The following HOMEZ variants were observed in gnomAD, a reference collection of about 807,000 sequenced individuals.
HOMEZ encodes the protein homeobox and leucine zipper encoding.
In HOMEZ, 20 loss-of-function variants were observed where a neutral mutation model predicts 50.1. The observed-to-expected ratio is 0.40, with a 90% CI of 0.28 to 0.58. The LOEUF (loss-of-function observed/expected upper bound fraction) is 0.58, where lower values mean the gene tolerates loss of function less well. Ranked by LOEUF, HOMEZ falls within the 20% of genes least tolerant of loss-of-function variation. HOMEZ has a pLI of 0.46. For synonymous variants in HOMEZ, 239 were observed against 254.7 expected, an observed-to-expected ratio of 0.94 and a Z score of 0.59; for missense variants, 579 against 680.5, an observed-to-expected ratio of 0.85 and a Z score of 1.66.
rs35341745 is a variant in HOMEZ at position 23,280,740 on chromosome 14, A to ATTTTATTTTATTTTATTTTAT, written c.41-3554_41-3553insATAAAATAAAATAAAATAAAA. On this transcript the variant is annotated intron_variant, in intron 1 of 1. Coordinates refer to ENST00000357460, the MANE Select transcript of HOMEZ (RefSeq NM_020834.3). ...ATTTTATTTTATTTTATTTTATTTT[A>ATTTTATTTTATTTTATTTTAT]TTATTTTATTTTATTTTATTTTATT... Among the ~76,000 whole-genome samples the ATTTTATTTTATTTTATTTTAT allele has an allele frequency of 1.8e-3, 73 of 41,260 alleles. 2 individuals carry two copies. Among genetic ancestry groups the ATTTTATTTTATTTTATTTTAT allele is most frequent in the African/African-American group, 5.4e-3 (69 of 12,752 alleles). 27.1% of individuals were successfully genotyped at this position (41,260 alleles called of 152,430 possible).
intron 1 of HOMEZ, among the ~76,000 whole-genome samples, chr14:23,280,725 A>ATATTTTATT (rs1886507997): frequency 4.4e-5 from 3 of 68,750 alleles, no homozygotes; most frequent in South Asian, 5.6e-4. Context: ...ATTTTATTTT[A>ATATTTTATT]TTTTATTTTA....
intron 1 of HOMEZ, among the ~76,000 whole-genome samples, chr14:23,280,757 T>TAATTTA (rs1171560613): frequency 8.4e-6 from 1 of 118,974 alleles, no homozygotes; most frequent in African/African-American, 3.0e-5. Flanking sequence ...TATTTTATTT[T>TAATTTA]ATTTTATTTT....
At chr14:23,284,212 C>T (rs1886614145) in intron 1 of HOMEZ, among the ~76,000 whole-genome samples, 1 of 152,196 alleles carries the variant, frequency 6.6e-6, no homozygotes, top group Non-Finnish European at 1.5e-5. Context: ...TGCCTCATAT[C>T]CTTCCAACTT....
rs1395338775 is a variant in HOMEZ, at chr14:23,275,355, G to A, written c.*220C>T. 8 of 583,828 alleles carry A rather than the reference G, an allele frequency of 1.4e-5. No homozygotes were observed. The highest frequency in any genetic ancestry group is 2.1e-5 in the Non-Finnish European group (7 of 337,530). The allele number at this position is 583,828 out of a possible 1,614,324, so 36.2% of individuals were successfully genotyped here. On this transcript the variant is annotated 3_prime_UTR_variant, in exon 2 of 2. Coordinates refer to ENST00000357460, the MANE Select transcript of HOMEZ (RefSeq NM_020834.3). The stretch of plus-strand genomic sequence containing the variant: ...TAGCACTCCCTACCCTAAGGTTAGA[G>A]GGTTGGATTTCTGCTGATCCAATCC...
Position 23,280,740 on chromosome 14 carries a change from A to ATTTTATTTTATT in HOMEZ, c.41-3554_41-3553insAATAAAATAAAA, listed in dbSNP as rs35341745. 1.7e-3 allele frequency among the ~76,000 whole-genome samples: 71 copies of ATTTTATTTTATT among 41,226 alleles called. 5 individuals are homozygous for ATTTTATTTTATT. Among genetic ancestry groups the ATTTTATTTTATT allele is most frequent in the East Asian group, 4.1e-3 (6 of 1,470 alleles). 27.0% of individuals were successfully genotyped at this position (41,226 alleles called of 152,430 possible). On this transcript the variant is annotated intron_variant, in intron 1 of 1. Transcript: ENST00000357460. ...ATTTTATTTTATTTTATTTTATTTT[A>ATTTTATTTTATT]TTATTTTATTTTATTTTATTTTATT... is the stretch of plus-strand genomic sequence containing the variant.
At chr14:23,280,765 T>C (rs1252434819) in intron 1 of HOMEZ, among the ~76,000 whole-genome samples, 1 of 112,796 alleles carries the variant, frequency 8.9e-6, no homozygotes, top group Non-Finnish European at 1.9e-5. Flanking sequence ...TTTATTTTAT[T>C]TTATTTTATT....
Position 23,273,225 on chromosome 14 carries a change from A to G in HOMEZ, c.*2350T>C, listed in dbSNP as rs540814469. The G allele has an allele frequency of 1.8e-4, 34 of 188,094 alleles. No individual in the cohort carries two copies. Among genetic ancestry groups the G allele is most frequent in the Admixed American group, 4.0e-4 (7 of 17,604 alleles). The allele number at this position is 188,094 out of a possible 1,614,324, so 11.7% of individuals were successfully genotyped here. On this transcript the variant is annotated 3_prime_UTR_variant, in exon 2 of 2. Transcript: ENST00000357460. ...GAGTTGGGAATGGGGATTGTGATGG[A>G]TCATATACTCATCACTGTTTCATTT... is the stretch of plus-strand genomic sequence containing the variant.
intron 1 of HOMEZ, among the ~76,000 whole-genome samples, chr14:23,279,374 C>T (rs560399144): frequency 3.3e-5 from 5 of 152,224 alleles, no homozygotes; most frequent in South Asian, 4.2e-4. Flanking sequence ...TGGCCCCTGC[C>T]GCTGTCATTC....
intron 1 of HOMEZ, among the ~76,000 whole-genome samples, chr14:23,284,795 C>T (rs977937854): frequency 1.3e-5 from 2 of 152,132 alleles, no homozygotes; most frequent in Non-Finnish European, 2.9e-5. Flanking sequence ...GTACTCTGCA[C>T]TCAGAAGTGT....
At chr14:23,283,615 C>T (rs1035856351) in intron 1 of HOMEZ, among the ~76,000 whole-genome samples, 2 of 152,160 alleles carry the variant, frequency 1.3e-5, no homozygotes, top group African/African-American at 4.8e-5. Context: ...GGAGGCGAGG[C>T]TGGGTCTAAT....
chr14:23,283,690 T>C (rs908627741), intron 1 of HOMEZ, among the ~76,000 whole-genome samples: 3 of 151,622 alleles, frequency 2.0e-5, no homozygotes, highest in South Asian at 2.1e-4. Context: ...AGGTCAGGAG[T>C]TCGAGACCAG....
At position 23,275,771 on chromosome 14, in the gene HOMEZ, T is replaced by C. The variant is rs779470914; in HGVS notation, c.1457A>G (p.Gln486Arg). ...CTGCTGGGTGCTAAGCCTTGATGCC[T>C]GACTCAATTGAGGGATATCAGTTTC... The part of the protein sequence containing the change: ...LRETDIPQLS[Q>R]ASRLSTQQVL... The change falls in exon 2 of 2, where the codon CAG (glutamine) becomes CGG (arginine). Residue 486 changes from glutamine to arginine, a missense_variant. By Grantham distance (43) the Gln-to-Arg change is conservative. Coordinates refer to ENST00000357460, the MANE Select transcript of HOMEZ (RefSeq NM_020834.3). 4.3e-6 allele frequency: 7 copies of C among 1,613,596 alleles called. No homozygotes were observed. The South Asian group carries it at 6.6e-5, about 15-fold the overall frequency.
At chr14:23,280,763 ATT>A (rs1295606666) in intron 1 of HOMEZ, among the ~76,000 whole-genome samples, 1 of 86,020 alleles carries the variant, frequency 1.2e-5, no homozygotes, top group Non-Finnish European at 2.6e-5. Flanking sequence ...ATTTTATTTT[ATT>A]TTATTTTATT....
rs767037610 is a variant in HOMEZ at position 23,276,606 on chromosome 14, G to C, written c.622C>G (p.Pro208Ala). 3.7e-6 allele frequency: 6 copies of C among 1,614,038 alleles called. No homozygotes were observed. The highest frequency in any genetic ancestry group is 5.1e-6 in the Non-Finnish European group (6 of 1,179,892). The change falls in exon 2 of 2, where the codon CCT becomes GCT. Residue 208 changes from proline to alanine, a missense_variant. Pro to Ala is a conservative substitution (Grantham distance 27). Coordinates refer to ENST00000357460, the MANE Select transcript of HOMEZ (RefSeq NM_020834.3). This position sits in a 1 kb window ranked among gnomAD's most constrained non-coding sequence, Gnocchi z 4.1. ...HQKLKESLMT[P>A]GSGAFPYQSD... is the part of the protein sequence containing the mutation. ...TGGTAGGGGAATGCTCCACTGCCAG[G>C]TGTCATCAGGGACTCCTTTAATTTC... is the stretch of plus-strand genomic sequence containing the variant.
chr14:23,279,227 C>T (rs765804284), intron 1 of HOMEZ, among the ~76,000 whole-genome samples: 1 of 152,028 alleles, frequency 6.6e-6, no homozygotes, highest in East Asian at 1.9e-4. Flanking sequence ...AAATAGCAAT[C>T]GAATATAAAA....
chr14:23,280,750 T>C (rs201123399), intron 1 of HOMEZ, among the ~76,000 whole-genome samples: 4 of 87,304 alleles, frequency 4.6e-5, no homozygotes, highest in Admixed American at 4.2e-4. Context: ...ATTATTTTAT[T>C]TTATTTTATT....
intron 1 of HOMEZ, among the ~76,000 whole-genome samples, chr14:23,280,768 A>ATTTATTTTC (rs1886530327): frequency 1.1e-5 from 1 of 93,720 alleles, no homozygotes; most frequent in African/African-American, 3.5e-5. Flanking sequence ...ATTTTATTTT[A>ATTTATTTTC]TTTTATTTTA....
At position 23,275,413 on chromosome 14, in the gene HOMEZ, C is replaced by T; in HGVS notation, c.*162G>A. On this transcript the variant is annotated 3_prime_UTR_variant, in exon 2 of 2. Coordinates refer to ENST00000357460, the MANE Select transcript of HOMEZ (RefSeq NM_020834.3). ...ACTTAGTGCCCTATGGTCATTCTCCCTGGTCCACCCTCACTATATCCCCCT... is the reference window on the plus strand; with the variant it reads ...ACTTAGTGCCCTATGGTCATTCTCCTTGGTCCACCCTCACTATATCCCCCT... 3.6e-6 allele frequency: 3 copies of T among 828,884 alleles called. No homozygotes were observed. The highest frequency in any genetic ancestry group is 3.8e-5 in the South Asian group (2 of 52,166). The allele number at this position is 828,884 out of a possible 1,614,324, so 51.3% of individuals were successfully genotyped here. A position where few individuals can be genotyped will look rare whatever the true frequency, so the allele number is the denominator to read the frequency against.
chr14:23,280,780 T>TTTATTTTATTTTATTTTA (rs1886534814), intron 1 of HOMEZ, among the ~76,000 whole-genome samples: 1 of 133,412 alleles, frequency 7.5e-6, no homozygotes, highest in African/African-American at 3.0e-5. Flanking sequence ...TTTATTTTAT[T>TTTATTTTATTTTATTTTA]TTATTTTATT....
Sources: allele counts gnomAD v4.1 joint callset (sites outside exome capture counted in the v4.1 genomes callset), GRCh38; gene constraint gnomAD v4.1.1; non-coding constraint Gnocchi (gnomAD v3.1); transcripts MANE v1.5; gene names NCBI Gene and HGNC (gene_info 2026-07-23, HGNC 2026-07-21).